SLC34A3: variants seen among roughly 807,000 people sequenced by gnomAD.
SLC34A3 encodes sodium-dependent phosphate transport protein 2C.
A neutral mutation model predicts 43.9 loss-of-function variants in SLC34A3; 60 were observed. The observed-to-expected ratio is 1.37, with a 90% CI of 1.11 to 1.70. The LOEUF (loss-of-function observed/expected upper bound fraction) is 1.70. Among genes scored for constraint, SLC34A3 ranks in the 40% most tolerant of loss-of-function variants. SLC34A3 has a pLI of 0.00. For synonymous variants in SLC34A3, 451 were observed against 386.2 expected, an observed-to-expected ratio of 1.17 and a Z score of -1.97; for missense variants, 969 against 823.8, an observed-to-expected ratio of 1.18 and a Z score of -2.16.
In SLC34A3 at chr9:137,236,401, C is replaced by T. The variant is rs1270639275; in HGVS notation, c.1785C>T (p.Ala595=). 2.6e-6 allele frequency: 4 copies of T among 1,537,376 alleles called. No homozygotes were observed. The highest frequency in any genetic ancestry group is 1.4e-5 in the African/African-American group (1 of 73,168). ...AYCYENPEIL[A]SQQL Reference sequence around the variant, plus strand: ...GCTACGAGAACCCTGAGATCTTGGCCTCCCAGCAGTTGTGACGGGCAGTTG... The same window carrying T: ...GCTACGAGAACCCTGAGATCTTGGCTTCCCAGCAGTTGTGACGGGCAGTTG... The change falls in exon 13 of 13, where the codon GCC becomes GCT. Residue 595 remains alanine, a synonymous_variant. Coordinates refer to ENST00000673835, the MANE Select transcript of SLC34A3 (RefSeq NM_001177316.2).
Position 137,233,114 on chromosome 9 carries a change from A to G in SLC34A3, c.559A>G (p.Arg187Gly). The G allele has an allele frequency of 6.7e-7, 1 of 1,484,532 alleles. No homozygotes were observed. Among genetic ancestry groups the G allele is most frequent in the Non-Finnish European group, 9.1e-7 (1 of 1,101,480 alleles). 92.0% of individuals were successfully genotyped at this position (1,484,532 alleles called of 1,614,324 possible). ...GTCAGGGGACCGGGATGAATTTCAGAGGTGAGTTGTGGGTGGAAGGGCTGG... is the reference window on the plus strand; with the variant it reads ...GTCAGGGGACCGGGATGAATTTCAGGGGTGAGTTGTGGGTGGAAGGGCTGG... The part of the protein sequence containing the change: ...AQSGDRDEFQ[R>G]AFSGSAVHGI... The change falls in exon 6 of 13, where the codon AGG becomes GGG. Residue 187 changes from arginine to glycine, a missense_variant and splice_region_variant. By Grantham distance (125) the Arg-to-Gly change is moderately radical (BLOSUM62 -2). Transcript: ENST00000673835.
chr9:137,232,582 C>A lies in SLC34A3; in HGVS notation c.183C>A (p.Arg61=), dbSNP rs766590721. ...KDTSQPWKEL[R]VAGRLRRVAG... is the part of the protein sequence containing the mutation. ...CCTGCCCTGTGTCCTCAGAGCTCCGCGTGGCCGGCAGGCTGCGCCGCGTGG... is the reference window on the plus strand; with the variant it reads ...CCTGCCCTGTGTCCTCAGAGCTCCGAGTGGCCGGCAGGCTGCGCCGCGTGG... Residue 61 remains arginine (R), a synonymous_variant, in exon 4 of 13, where the codon CGC becomes CGA. Transcript: ENST00000673835. 17 of 1,609,068 alleles carry A rather than the reference C, an allele frequency of 1.1e-5. No individual in the cohort carries two copies. Among genetic ancestry groups the A allele is most frequent in the Non-Finnish European group, 1.4e-5 (16 of 1,178,276 alleles).
rs140353447 is a variant in SLC34A3 at position 137,236,066 on chromosome 9, T to C, written c.1450T>C (p.Tyr484His). 16 of 1,612,416 alleles carry C rather than the reference T, an allele frequency of 9.9e-6. No homozygotes were observed. In the African/African-American group the frequency reaches 2.1e-4, roughly 22 times the overall value. Residue 484 changes from tyrosine to histidine, a missense_variant, in exon 13 of 13, where the codon TAC (tyrosine) becomes CAC (histidine). Physicochemically the swap from Tyr to His is moderately conservative, Grantham distance 83. Transcript: ENST00000673835. ...ARHFGVVTAR[Y>H]RWVAGVYLLL... ...GCACTTCGGGGTGGTGACCGCCCGT[T>C]ACCGCTGGGTGGCTGGGGTCTACCT...
Position 137,233,920 on chromosome 9 carries a change from G to T in SLC34A3, c.904G>T (p.Ala302Ser). 6.3e-7 allele frequency: 1 copy of T among 1,583,536 alleles called. No individual in the cohort carries two copies. The highest frequency in any genetic ancestry group is 2.1e-4 in the Middle Eastern group (1 of 4,734). Residue 302 changes from alanine (A) to serine (S), a missense_variant, in exon 9 of 13, where the codon GCC becomes TCC. By Grantham distance (99) the Ala-to-Ser change is moderately conservative. Transcript: ENST00000673835. ...CCCGTGCACAGAGAAGAACAGCACA[G>T]CCCCGGCGGACAGGCTGCCCTGTGA... is the stretch of plus-strand genomic sequence containing the variant. The part of the protein sequence containing the change: ...FGPCTEKNST[A>S]PADRLPCRHL...
In SLC34A3 at chr9:137,236,063, C is replaced by G. The variant is rs567188390; in HGVS notation, c.1447C>G (p.Arg483Gly). The G allele has an allele frequency of 4.3e-6, 7 of 1,612,538 alleles. No individual in the cohort carries two copies. The highest frequency in any genetic ancestry group is 3.3e-4 in the Middle Eastern group (2 of 6,058). Residue 483 changes from arginine (R) to glycine (G), a missense_variant, in exon 13 of 13, where the codon CGT becomes GGT. Physicochemically the swap from Arg to Gly is moderately radical, Grantham distance 125. Transcript: ENST00000673835. Reference sequence around the variant, plus strand: ...CAGGCACTTCGGGGTGGTGACCGCCCGTTACCGCTGGGTGGCTGGGGTCTA... The same window carrying G: ...CAGGCACTTCGGGGTGGTGACCGCCGGTTACCGCTGGGTGGCTGGGGTCTA... Reference protein sequence around the residue: ...LARHFGVVTARYRWVAGVYLL... With the variant: ...LARHFGVVTAGYRWVAGVYLL...
rs769622295 is a variant in SLC34A3, at chr9:137,234,139, C to T, written c.956C>T (p.Thr319Met). ...CACCTGTTTGCGGGCACGGAGCTCA[C>T]GGACCTGGCCGTGGGCTGCATCCTG... ...CRHLFAGTEL[T>M]DLAVGCILLA... is the part of the protein sequence containing the mutation. The change falls in exon 10 of 13, where the codon ACG becomes ATG. Residue 319 changes from threonine (T) to methionine (M), a missense_variant. By Grantham distance (81) the Thr-to-Met change is moderately conservative. Coordinates refer to ENST00000673835, the MANE Select transcript of SLC34A3 (RefSeq NM_001177316.2). This position sits in a 1 kb window ranked among gnomAD's most constrained non-coding sequence, Gnocchi z 6.9. 33 of 1,596,044 alleles carry T rather than the reference C, an allele frequency of 2.1e-5. No individual in the cohort carries two copies. Among genetic ancestry groups the T allele is most frequent in the Admixed American group, 1.2e-4 (7 of 59,308 alleles).
rs1433936234 is a variant in SLC34A3, at chr9:137,233,738, C to T, written c.846+16C>T. ...GGGGCAGCCGGTGAGGCACCCAACC[C>T]TAGGCCCTCACTGACCCCCAACCTC... On this transcript the variant is annotated intron_variant, in intron 8 of 12. Coordinates refer to ENST00000673835, the MANE Select transcript of SLC34A3 (RefSeq NM_001177316.2). 1 of 1,611,258 alleles carries T rather than the reference C, an allele frequency of 6.2e-7. No homozygotes were observed. The highest frequency in any genetic ancestry group is 8.5e-7 in the Non-Finnish European group (1 of 1,179,016).
At chr9:137,230,403 C>T (rs534437220), upstream of SLC34A3, among the ~76,000 whole-genome samples, 97 of 152,308 alleles carry the variant, frequency 6.4e-4, no homozygotes, top group African/African-American at 2.2e-3. Flanking sequence ...GTGCCCTCCC[C>T]GGCTACGTGA....
Position 137,236,312 on chromosome 9 carries a change from G to C in SLC34A3, c.1696G>C (p.Val566Leu), listed in dbSNP as rs1374387772. The C allele has an allele frequency of 1.3e-6, 2 of 1,542,742 alleles. No homozygotes were observed. The highest frequency in any genetic ancestry group is 2.0e-5 in the Admixed American group (1 of 51,002). ...TTCTCTGGAGCCCTGGGACCGCCTG[G>C]TGACCCGCTGCTGCCCCTGCAACGT... ...LHSLEPWDRLVTRCCPCNVCS... is the reference protein window; with the variant it reads ...LHSLEPWDRLLTRCCPCNVCS... Residue 566 changes from valine to leucine, a missense_variant, in exon 13 of 13, where the codon GTG becomes CTG. Transcript: ENST00000673835.
intron 8 of SLC34A3, 57 bp downstream of exon 8, chr9:137,233,779 T>TTGCCCCCCC: frequency 6.9e-6 from 10 of 1,445,722 alleles, no homozygotes; most frequent in Admixed American, 1.8e-5. Flanking sequence ...TGCTGAGTCA[T>TTGCCCCCCC]CCCGCCCCAC....
At chr9:137,232,497 G>A (rs982491351) in intron 3 of SLC34A3, 78 bp from the exon 4 acceptor site, 29 of 1,580,186 alleles carry the variant, frequency 1.8e-5, no homozygotes, top group East Asian at 9.0e-5. Flanking sequence ...GGAGAGAGGG[G>A]GCAGAGAATG....
intron 2 of SLC34A3, 128 bp downstream of exon 2, chr9:137,231,915 C>A: frequency 1.8e-6 from 2 of 1,117,004 alleles, no homozygotes; most frequent in South Asian, 1.2e-5. Context: ...CGCCTCCACT[C>A]AGGTCCAGCC....
chr9:137,234,769 C>T lies in SLC34A3; in HGVS notation c.1335+38C>T, dbSNP rs1360441343. 6.2e-7 allele frequency: 1 copy of T among 1,601,128 alleles called. No homozygotes were observed. The highest frequency in any genetic ancestry group is 8.5e-7 in the Non-Finnish European group (1 of 1,179,678). On this transcript the variant is annotated intron_variant, in intron 12 of 12. Transcript: ENST00000673835. This position sits in a 1 kb window ranked among gnomAD's most constrained non-coding sequence, Gnocchi z 6.9. Reference sequence around the variant, plus strand: ...CTGCCCCGCTGCCAGAACTGGCCAGCTTCCTCTCAGCCCCACAGACAGGAG... The same window carrying T: ...CTGCCCCGCTGCCAGAACTGGCCAGTTTCCTCTCAGCCCCACAGACAGGAG...
rs545784124 is a variant in SLC34A3 at position 137,236,245 on chromosome 9, T to C, written c.1629T>C (p.Pro543=). 1.8e-5 allele frequency: 28 copies of C among 1,550,570 alleles called. No homozygotes were observed. Among genetic ancestry groups the C allele is most frequent in the Middle Eastern group, 3.3e-4 (2 of 5,980 alleles). Residue 543 remains proline, a synonymous_variant, in exon 13 of 13, where the codon CCT becomes CCC. Coordinates refer to ENST00000673835, the MANE Select transcript of SLC34A3 (RefSeq NM_001177316.2). The part of the protein sequence containing the change: ...VLQRRRPAWL[P]VRLRSWAWLP... ...AGCGGCGCCGGCCGGCCTGGCTGCC[T>C]GTCCGCCTGCGCTCCTGGGCCTGGC...
At position 137,234,439 on chromosome 9, in the gene SLC34A3, C is replaced by A; in HGVS notation, c.1117C>A (p.Leu373Ile). 1 of 1,598,570 alleles carries A rather than the reference C, an allele frequency of 6.3e-7. No individual in the cohort carries two copies. Residue 373 changes from leucine (L) to isoleucine (I), a missense_variant, in exon 11 of 13, where the codon CTC (leucine) becomes ATC (isoleucine). Coordinates refer to ENST00000673835, the MANE Select transcript of SLC34A3 (RefSeq NM_001177316.2). The surrounding 1 kb of genome is among the most constrained non-coding windows in gnomAD (Gnocchi z 6.9). ...AGACTTCCCCTTCCCGCTGGGCTGG[C>A]TCGGCGGCTACCTGGCCGTCCTCGC... ...NADFPFPLGW[L>I]GGYLAVLAGA...
rs898764028 is a variant in SLC34A3, at chr9:137,236,405, C to G, written c.1789C>G (p.Gln597Glu). The change falls in exon 13 of 13, where the codon CAG (glutamine) becomes GAG (glutamate). Residue 597 changes from glutamine to glutamate, a missense_variant. Coordinates refer to ENST00000673835, the MANE Select transcript of SLC34A3 (RefSeq NM_001177316.2). The part of the protein sequence containing the change: ...CYENPEILAS[Q>E]QL The stretch of plus-strand genomic sequence containing the variant: ...CGAGAACCCTGAGATCTTGGCCTCC[C>G]AGCAGTTGTGACGGGCAGTTGCTGA... 3 of 1,537,102 alleles carry G rather than the reference C, an allele frequency of 2.0e-6. No individual in the cohort carries two copies. Among genetic ancestry groups the G allele is most frequent in the Non-Finnish European group, 2.6e-6 (3 of 1,146,650 alleles).
rs1309486155 is a variant in SLC34A3 at position 137,234,405 on chromosome 9, AT to A, written c.1094-10del. 7.5e-6 allele frequency: 12 copies of A among 1,597,062 alleles called. No homozygotes were observed. Among genetic ancestry groups the A allele is most frequent in the Non-Finnish European group, 9.3e-6 (11 of 1,178,432 alleles). On this transcript the variant is annotated splice_polypyrimidine_tract_variant and intron_variant, in intron 10 of 12. Coordinates refer to ENST00000673835, the MANE Select transcript of SLC34A3 (RefSeq NM_001177316.2). The surrounding 1 kb of genome is among the most constrained non-coding windows in gnomAD (Gnocchi z 6.9). ...GGGCGCTGGCCAGGGCTGACCCGGC[AT>A]CCCCCACAGACTTCCCCTTCCCGCT...
chr9:137,231,151 T>TG (rs1189339682), intron 1 of SLC34A3: 1 of 161,686 alleles, frequency 6.2e-6, no homozygotes, highest in African/African-American at 2.4e-5. Flanking sequence ...GCCCCAGGGG[T>TG]GGGGTGACCA....
At position 137,233,712 on chromosome 9, in the gene SLC34A3, C is replaced by A. The variant is rs150570831; in HGVS notation, c.836C>A (p.Thr279Lys). ...CTCATTAAGCACTGGTGCGGCACCA[C>A]GGGGCAGCCGGTGAGGCACCCAACC... Reference protein sequence around the residue: ...SSLIKHWCGTTGQPTQENSSC... With the variant: ...SSLIKHWCGTKGQPTQENSSC... Residue 279 changes from threonine to lysine, a missense_variant, in exon 8 of 13, where the codon ACG (threonine) becomes AAG (lysine). By Grantham distance (78) the Thr-to-Lys change is moderately conservative. Transcript: ENST00000673835. 2 of 1,612,526 alleles carry A rather than the reference C, an allele frequency of 1.2e-6. No individual in the cohort carries two copies. Among genetic ancestry groups the A allele is most frequent in the South Asian group, 2.2e-5 (2 of 91,078 alleles).
Sources: gnomAD v4.1 joint callset for allele counts (sites outside exome capture counted in the v4.1 genomes callset) on GRCh38, gnomAD v4.1.1 for gene constraint, Gnocchi (gnomAD v3.1) non-coding constraint, MANE v1.5 for transcripts, NCBI Gene and HGNC (gene_info 2026-07-23, HGNC 2026-07-21) for gene names.